The following MYO3B variants were observed in gnomAD, a reference collection of about 807,000 sequenced individuals.
The protein encoded by MYO3B is myosin IIIB.
In MYO3B, 156 loss-of-function variants were observed where a neutral mutation model predicts 174.6. That is an observed-to-expected ratio of 0.89 (90% CI 0.78 to 1.02). MYO3B has a LOEUF of 1.02. Among genes scored for constraint, MYO3B ranks in the 50% least tolerant of loss-of-function variants. The pLI is 0.00. For missense variants in MYO3B, 1,632 were observed against 1,639.4 expected (o/e 1.00, Z 0.08); for synonymous variants, 563 against 569.1 (o/e 0.99, Z 0.15).
intron 23 of MYO3B, 148 bp downstream of exon 23, chr2:170,444,194 G>A (rs1273895783): frequency 1.9e-6 from 1 of 535,450 alleles, no homozygotes; most frequent in East Asian, 3.0e-5. Flanking sequence ...TAGGAAATCA[G>A]GGGTTAGGAA....
Position 170,455,976 on chromosome 2 carries a change from TCCTC to T in MYO3B, c.2731-7391_2731-7388del, listed in dbSNP as rs138435662. On this transcript the variant is annotated intron_variant, in intron 23 of 34. Transcript: ENST00000408978. ...GTCTTATAGGGGCCAAGGGAAGACT[TCCTC>T]ACTCTCTGAAAGTTTGCTGAAAATA... Among the ~76,000 whole-genome samples, 1,330 of 152,304 alleles carry T rather than the reference TCCTC, an allele frequency of 8.7e-3. 9 individuals are homozygous for T. The highest frequency in any genetic ancestry group is 0.021 in the South Asian group (101 of 4,816).
At chr2:170,252,906 C>A (rs1305157257) in intron 7 of MYO3B, among the ~76,000 whole-genome samples, 2 of 152,158 alleles carry the variant, frequency 1.3e-5, no homozygotes, top group South Asian at 2.1e-4. Flanking sequence ...GAGACCAAGG[C>A]AGCTGGAGCA....
chr2:170,529,968 T>G (rs921968155), intron 30 of MYO3B, among the ~76,000 whole-genome samples: 1 of 152,222 alleles, frequency 6.6e-6, no homozygotes, highest in Non-Finnish European at 1.5e-5. Context: ...AAATAGCAGC[T>G]TGTTCCTCAC....
At chr2:170,445,081 T>C (rs769467566) in intron 23 of MYO3B, among the ~76,000 whole-genome samples, 2 of 152,218 alleles carry the variant, frequency 1.3e-5, no homozygotes, top group Non-Finnish European at 2.9e-5. Flanking sequence ...CACAATATTT[T>C]TGTGAAGTGA....
chr2:170,385,900 A>G (rs1014691424), intron 12 of MYO3B: 9 of 202,058 alleles, frequency 4.5e-5, no homozygotes, highest in African/African-American at 2.1e-4. Flanking sequence ...ATAAAAATAT[A>G]ATGACTTAAG....
intron 14 of MYO3B, among the ~76,000 whole-genome samples, chr2:170,388,079 CTAT>C (rs1361544039): frequency 6.6e-6 from 1 of 151,470 alleles, no homozygotes; most frequent in African/African-American, 2.4e-5. Flanking sequence ...ATAATAATAG[CTAT>C]TATTATTATT....
chr2:170,184,762 T>C (rs911614075), intron 1 of MYO3B, among the ~76,000 whole-genome samples: 1 of 152,156 alleles, frequency 6.6e-6, no homozygotes, highest in African/African-American at 2.4e-5. Context: ...AGAACCTCCA[T>C]ACTGTTCTCC....
At chr2:170,324,855 GAC>G (rs1559387667) in intron 7 of MYO3B, among the ~76,000 whole-genome samples, 1 of 152,180 alleles carries the variant, frequency 6.6e-6, no homozygotes, top group Admixed American at 6.5e-5. Flanking sequence ...TGGCATTTGG[GAC>G]ACCCTGTGGT....
chr2:170,319,536 T>C (rs950619232), intron 7 of MYO3B, among the ~76,000 whole-genome samples: 3 of 152,050 alleles, frequency 2.0e-5, no homozygotes, highest in Non-Finnish European at 4.4e-5. Flanking sequence ...CAAAGACCCA[T>C]GAGACACCAT....
intron 32 of MYO3B, among the ~76,000 whole-genome samples, chr2:170,632,711 G>A (rs185643056): frequency 0.022 from 3,379 of 152,122 alleles, 157 homozygotes; most frequent in East Asian, 0.13. Context: ...TTTTTGAAAA[G>A]ATCAATAAGA....
At chr2:170,491,989 G>A (rs1184003310) in intron 25 of MYO3B, among the ~76,000 whole-genome samples, 2 of 151,976 alleles carry the variant, frequency 1.3e-5, no homozygotes, top group African/African-American at 4.8e-5. Flanking sequence ...GGGAGGCAGA[G>A]GCTGCAGTGA....
chr2:170,181,688 G>C (rs1574533608), intron 1 of MYO3B, among the ~76,000 whole-genome samples: 1 of 152,050 alleles, frequency 6.6e-6, no homozygotes, highest in Non-Finnish European at 1.5e-5. Flanking sequence ...TTTCTGCATC[G>C]ATCGAGATGA....
rs917891020 is a variant in MYO3B, at chr2:170,493,505, T to C, written c.3015-5087T>C. Among the ~76,000 whole-genome samples the C allele has an allele frequency of 2.6e-5, 4 of 152,276 alleles. No individual in the cohort carries two copies. In the South Asian group the frequency reaches 6.2e-4, roughly 24 times the overall value. Reference sequence around the variant, plus strand: ...CTTATATCATTAAGAGTGGTTTTTGTTATCATTACTAGATAGAAGACTTGA... The same window carrying C: ...CTTATATCATTAAGAGTGGTTTTTGCTATCATTACTAGATAGAAGACTTGA... On this transcript the variant is annotated intron_variant, in intron 25 of 34. Transcript: ENST00000408978.
At chr2:170,215,564 T>G (rs2092818815) in intron 5 of MYO3B, among the ~76,000 whole-genome samples, 1 of 151,978 alleles carries the variant, frequency 6.6e-6, no homozygotes, top group Non-Finnish European at 1.5e-5. Flanking sequence ...TAAACGTGTT[T>G]TTTTAAAAGA....
chr2:170,637,171 GTTTTT>G (rs33947498), intron 32 of MYO3B, among the ~76,000 whole-genome samples: 1 of 125,304 alleles, frequency 8.0e-6, no homozygotes, highest in Non-Finnish European at 1.7e-5. Flanking sequence ...AGAGTGTAGG[GTTTTT>G]TTTTTTTTTT....
At chr2:170,574,185 C>T (rs552737523) in intron 32 of MYO3B, among the ~76,000 whole-genome samples, 1 of 152,280 alleles carries the variant, frequency 6.6e-6, no homozygotes, top group South Asian at 2.1e-4. Context: ...AAAGCCTTTA[C>T]TAGTTTAGCC....
rs778390362 is a variant in MYO3B at position 170,407,841 on chromosome 2, A to G, written c.2647A>G (p.Thr883Ala). ...QQLFSIPLTK[T>A]GNLAQTRARI... ...GCTCTTCTCAATCCCTCTGACCAAA[A>G]CAGGTACTTGGGAACCCTCTGATAG... The change falls in exon 22 of 35, where the codon ACA becomes GCA. Residue 883 changes from threonine (T) to alanine (A), a missense_variant. Transcript: ENST00000408978. 1.9e-6 allele frequency: 3 copies of G among 1,613,832 alleles called. No homozygotes were observed. Among genetic ancestry groups the G allele is most frequent in the Non-Finnish European group, 2.5e-6 (3 of 1,179,868 alleles).
At chr2:170,261,282 C>T (rs1456431509) in intron 7 of MYO3B, among the ~76,000 whole-genome samples, 1 of 152,314 alleles carries the variant, frequency 6.6e-6, no homozygotes, top group East Asian at 1.9e-4. Context: ...GCCTCAGCCT[C>T]CCAAAGTGCT....
chr2:170,632,856 C>T (rs1490612445), intron 32 of MYO3B, among the ~76,000 whole-genome samples: 3 of 152,110 alleles, frequency 2.0e-5, no homozygotes, highest in African/African-American at 4.8e-5. Flanking sequence ...CTATAAACAC[C>T]TCTATGCAAA....
Sources: gnomAD v4.1 joint callset for allele counts (sites outside exome capture counted in the v4.1 genomes callset) on GRCh38, gnomAD v4.1.1 for gene constraint, MANE v1.5 for transcripts, NCBI Gene and HGNC (gene_info 2026-07-23, HGNC 2026-07-21) for gene names.